Variants in DDX46 observed in about 807,000 individuals in gnomAD.
The protein encoded by DDX46 is probable ATP-dependent RNA helicase DDX46.
Under a neutral mutation model 134.9 loss-of-function variants are expected in DDX46, and 30 were observed. The ratio of observed to expected loss-of-function variants is 0.22; its 90% confidence interval spans 0.17 to 0.30. DDX46 has a LOEUF of 0.30. DDX46 is among the 10% of genes least tolerant of loss of function. The probability of loss-of-function intolerance (pLI) is 1.00; values close to 1 mark genes in which losing one functional copy is unlikely to be tolerated. For synonymous variants in DDX46, 415 were observed against 404.1 expected, an observed-to-expected ratio of 1.03 and a Z score of -0.32; for missense variants, 622 against 1,248.7, an observed-to-expected ratio of 0.50 and a Z score of 7.56.
rs1465820262 is a variant in DDX46, at chr5:134,771,087, TTCTC to T, written c.447+90_447+93del. On this transcript the variant is annotated intron_variant, in intron 4 of 22. Transcript: ENST00000452510. ...TTTCTTTCCCTCTTTCTTTCTTTCT[TTCTC>T]TTTCTTTCTTTCTTTTCTGTCTGTC... is the stretch of plus-strand genomic sequence containing the variant. 3.3e-3 allele frequency: 1,845 copies of T among 555,000 alleles called. 22 individuals carry two copies. The highest frequency in any genetic ancestry group is 0.032 in the African/African-American group (1,623 of 50,398). The allele number at this position is 555,000 out of a possible 1,614,324, so 34.4% of individuals were successfully genotyped here. A position where few individuals can be genotyped will look rare whatever the true frequency, so the allele number is the denominator to read the frequency against.
chr5:134,788,683 T>C (rs1333073167), intron 12 of DDX46, 92 bp downstream of exon 12: 18 of 1,168,468 alleles, frequency 1.5e-5, no homozygotes, highest in Admixed American at 4.0e-5. Context: ...AAAGGGTTTC[T>C]ATATTTCTTC....
intron 5 of DDX46, among the ~76,000 whole-genome samples, chr5:134,776,904 ACT>A (rs764538707): frequency 4.1e-5 from 5 of 121,668 alleles, no homozygotes; most frequent in East Asian, 4.9e-4. Context: ...ACAGAGCGAG[ACT>A]CTGTCTCAAA....
intron 18 of DDX46, among the ~76,000 whole-genome samples, chr5:134,814,519 A>G (rs1427300065): frequency 1.3e-5 from 2 of 152,230 alleles, no homozygotes; most frequent in Non-Finnish European, 2.9e-5. Flanking sequence ...TTGTAATACC[A>G]TGAATGCTAT....
At chr5:134,803,918 CTTTTTTTTTTT>C (rs201944776) in intron 15 of DDX46, among the ~76,000 whole-genome samples, 8 of 94,896 alleles carry the variant, frequency 8.4e-5, no homozygotes, top group African/African-American at 1.9e-4. Context: ...GATGATTCTT[CTTTTTTTTTTT>C]TTTTTTTTTT....
At position 134,796,218 on chromosome 5, in the gene DDX46, C is replaced by T. The variant is rs964153367; in HGVS notation, c.1954+68C>T. On this transcript the variant is annotated intron_variant, in intron 15 of 22. Transcript: ENST00000452510. ...CTTGCCAAGCATTGTGCTGTGTTCT[C>T]GATGATACTTACTTTGTTCTCTATA... is the stretch of plus-strand genomic sequence containing the variant. 1.1e-5 allele frequency: 17 copies of T among 1,518,818 alleles called. 1 individual carries two copies. The African/African-American group carries it at 1.4e-4, about 12-fold the overall frequency. The allele number at this position is 1,518,818 out of a possible 1,614,324, so 94.1% of individuals were successfully genotyped here.
At chr5:134,807,689 T>A in intron 15 of DDX46, 59 bp from the exon 16 acceptor site, 1 of 1,486,656 alleles carries the variant, frequency 6.7e-7, no homozygotes, top group Non-Finnish European at 9.1e-7. Flanking sequence ...AGATTCTTGG[T>A]CAGAAGACAT....
chr5:134,773,997 C>G (rs147195671), intron 5 of DDX46, 136 bp downstream of exon 5: 1 of 979,340 alleles, frequency 1.0e-6, no homozygotes, highest in African/African-American at 1.6e-5. Context: ...TCATCATTTT[C>G]AGGTTTCAAT....
At chr5:134,816,345 C>T (rs1054933591) in intron 18 of DDX46, 85 bp from the exon 19 acceptor site, 28 of 1,285,142 alleles carry the variant, frequency 2.2e-5, no homozygotes, top group African/African-American at 4.5e-5. Flanking sequence ...TTGGTGGAAA[C>T]ATTCCTTATT....
chr5:134,767,071 C>T lies in DDX46; in HGVS notation c.350+11C>T. 6.2e-7 allele frequency: 1 copy of T among 1,609,050 alleles called. No individual in the cohort carries two copies. The highest frequency in any genetic ancestry group is 8.5e-7 in the Non-Finnish European group (1 of 1,178,308). ...GAAAACTGAGAATAGGTAATGTTAT[C>T]ATTGGGCTGCATCTATAGTGCAGAC... On this transcript the variant is annotated intron_variant, in intron 3 of 22. Coordinates refer to ENST00000452510, the MANE Select transcript of DDX46 (RefSeq NM_001300860.2).
At chr5:134,781,001 G>A (rs1754135488) in intron 6 of DDX46, 132 bp from the exon 7 acceptor site, 2 of 579,462 alleles carry the variant, frequency 3.5e-6, no homozygotes, top group East Asian at 3.5e-5. Context: ...TCAAGCCTGG[G>A]TGACTGAGAC....
intron 19 of DDX46, chr5:134,816,928 A>G (rs1402141254): frequency 4.2e-6 from 1 of 236,864 alleles, no homozygotes; most frequent in Non-Finnish European, 8.1e-6. Flanking sequence ...TTTATTGGGC[A>G]CACAACTCCC....
In DDX46 at chr5:134,758,792, C is replaced by T. The variant is rs1017832029; in HGVS notation, c.-147C>T. ...CGCCAGCACGTCCTGTTTTCGTTGG[C>T]CGCGCTGGGATGGCCGCCACAGCTG... On this transcript the variant is annotated 5_prime_UTR_variant, in exon 1 of 23. Coordinates refer to ENST00000452510, the MANE Select transcript of DDX46 (RefSeq NM_001300860.2). 5 of 1,295,464 alleles carry T rather than the reference C, an allele frequency of 3.9e-6. No homozygotes were observed. The highest frequency in any genetic ancestry group is 4.9e-5 in the East Asian group (2 of 41,230). The allele number at this position is 1,295,464 out of a possible 1,614,324, so 80.2% of individuals were successfully genotyped here.
intron 2 of DDX46, among the ~76,000 whole-genome samples, chr5:134,765,741 G>T (rs1203264298): frequency 6.6e-6 from 1 of 152,150 alleles, no homozygotes; most frequent in Non-Finnish European, 1.5e-5. Flanking sequence ...ATTGTGTTGT[G>T]AGTGGATCAT....
intron 19 of DDX46, 59 bp downstream of exon 19, chr5:134,816,665 T>C: frequency 4.6e-6 from 7 of 1,533,022 alleles, no homozygotes; most frequent in Non-Finnish European, 6.2e-6. Flanking sequence ...GATTTTACTT[T>C]TCAGGAATTA....
At chr5:134,781,650 GAA>G (rs1169869617) in intron 7 of DDX46, among the ~76,000 whole-genome samples, 4 of 151,344 alleles carry the variant, frequency 2.6e-5, no homozygotes, top group Non-Finnish European at 5.9e-5. Context: ...TAAAGGCAAA[GAA>G]AAAAAAACTA....
At chr5:134,788,708 T>C (rs1322490138) in intron 12 of DDX46, 117 bp downstream of exon 12, 2 of 911,868 alleles carry the variant, frequency 2.2e-6, no homozygotes, top group Non-Finnish European at 3.4e-6. Flanking sequence ...AGCTGCAGTA[T>C]CTTAAAATTT....
chr5:134,783,816 T>G (rs1489686112), intron 9 of DDX46, among the ~76,000 whole-genome samples: 1 of 150,738 alleles, frequency 6.6e-6, no homozygotes, highest in East Asian at 2.0e-4. Flanking sequence ...CTGAAAGTAC[T>G]GGGATTACAG....
At position 134,795,960 on chromosome 5, in the gene DDX46, TTAACTTGATACAA is replaced by T; in HGVS notation, c.1792-25_1792-13del. 1 of 1,599,826 alleles carries T rather than the reference TTAACTTGATACAA, an allele frequency of 6.3e-7. No homozygotes were observed. Among genetic ancestry groups the T allele is most frequent in the East Asian group, 2.2e-5 (1 of 44,632 alleles). On this transcript the variant is annotated splice_polypyrimidine_tract_variant and intron_variant, in intron 14 of 22. Coordinates refer to ENST00000452510, the MANE Select transcript of DDX46 (RefSeq NM_001300860.2). Reference sequence around the variant, plus strand: ...GGGATCCATTTGCATTTTCACTTCATTAACTTGATACAATATGGTGTTTTCAGATTGTGATTGA... The same window carrying T: ...GGGATCCATTTGCATTTTCACTTCATTATGGTGTTTTCAGATTGTGATTGA...
At position 134,758,935 on chromosome 5, in the gene DDX46, C is replaced by CAG; in HGVS notation, c.-3_-2dup. 2 of 1,613,192 alleles carry CAG rather than the reference C, an allele frequency of 1.2e-6. No homozygotes were observed. The highest frequency in any genetic ancestry group is 1.7e-6 in the Non-Finnish European group (2 of 1,179,870). ...AGGGCACCAGTATTCCCGCGGTCGG[C>CAG]AGCATGGGTCGGGAGTCACGGTGAG... On this transcript the variant is annotated 5_prime_UTR_variant, in exon 1 of 23. Transcript: ENST00000452510.
Sources: allele counts gnomAD v4.1 joint callset (sites outside exome capture counted in the v4.1 genomes callset), GRCh38; gene constraint gnomAD v4.1.1; transcripts MANE v1.5; gene names NCBI Gene and HGNC (gene_info 2026-07-23, HGNC 2026-07-21).